Variants in DERL1 observed in about 807,000 individuals in gnomAD.
The protein encoded by DERL1 is derlin 1, also known as derlin-1.
A neutral mutation model predicts 41.6 loss-of-function variants in DERL1; 24 were observed. The ratio of observed to expected loss-of-function variants is 0.58; its 90% CI spans 0.42 to 0.81. The LOEUF is 0.81. DERL1 is among the 30% of genes least tolerant of loss of function. DERL1 has a pLI of 0.00. For missense variants in DERL1, 260 were observed against 314.3 expected, an observed-to-expected ratio of 0.83 and a Z score of 1.31; for synonymous variants, 124 against 112.5, an observed-to-expected ratio of 1.10 and a Z score of -0.65.
intron 5 of DERL1, 94 bp downstream of exon 5, chr8:123,022,590 C>T (rs965738333): frequency 3.4e-6 from 4 of 1,188,618 alleles, no homozygotes; most frequent in East Asian, 2.3e-5. Flanking sequence ...TCTGCAGTGA[C>T]CCCTTCTGGA....
intron 1 of DERL1, among the ~76,000 whole-genome samples, chr8:123,032,144 T>TC (rs535418635): frequency 0.045 from 6,689 of 148,990 alleles, 194 homozygotes; most frequent in South Asian, 0.066. Flanking sequence ...CATTTTTTTT[T>TC]TCCCCCCCGA....
At chr8:123,037,773 A>C (rs574817109) in intron 1 of DERL1, among the ~76,000 whole-genome samples, 2 of 152,320 alleles carry the variant, frequency 1.3e-5, no homozygotes, top group East Asian at 3.9e-4. Flanking sequence ...GGTAACACTT[A>C]TCTCAGGATG....
chr8:123,039,963 A>C (rs1373592143), intron 1 of DERL1, among the ~76,000 whole-genome samples: 1 of 152,242 alleles, frequency 6.6e-6, no homozygotes, highest in Non-Finnish European at 1.5e-5. Flanking sequence ...CACGCCTCTA[A>C]TCCCAGCACT....
rs1457606339 is a variant in DERL1, at chr8:123,030,498, GCAGTTT to G, written c.265+101_265+106del. The stretch of plus-strand genomic sequence containing the variant: ...GTCACTAAGCATTTACTATCTTTAT[GCAGTTT>G]CTTTTTGTAATGCTAACTGCCCTCC... On this transcript the variant is annotated intron_variant, in intron 2 of 7. Coordinates refer to ENST00000259512, the MANE Select transcript of DERL1 (RefSeq NM_024295.6). 23 of 747,192 alleles carry G rather than the reference GCAGTTT, an allele frequency of 3.1e-5. 1 individual carries two copies. The African/African-American group carries it at 3.7e-4, about 12-fold the overall frequency. The allele number at this position is 747,192 out of a possible 1,614,324, so 46.3% of individuals were successfully genotyped here.
intron 5 of DERL1, 46 bp from the exon 6 acceptor site, chr8:123,021,545 G>A (rs542792365): frequency 1.4e-5 from 21 of 1,541,722 alleles, no homozygotes; most frequent in African/African-American, 1.2e-4. Flanking sequence ...CACACCTGAC[G>A]AGGACACAGC....
intron 1 of DERL1, among the ~76,000 whole-genome samples, chr8:123,035,162 T>C (rs1470309545): frequency 1.3e-5 from 2 of 152,250 alleles, no homozygotes; most frequent in African/African-American, 4.8e-5. Flanking sequence ...CTATTTTTAG[T>C]CACTGTTTGC....
At chr8:123,031,993 CT>C (rs1291060154) in intron 1 of DERL1, among the ~76,000 whole-genome samples, 1 of 152,168 alleles carries the variant, frequency 6.6e-6, no homozygotes, top group Non-Finnish European at 1.5e-5. Context: ...ATCCTGTCTT[CT>C]CTCCATACTC....
At chr8:123,036,322 G>C (rs1180201262) in intron 1 of DERL1, among the ~76,000 whole-genome samples, 3 of 152,146 alleles carry the variant, frequency 2.0e-5, no homozygotes, top group Middle Eastern at 3.4e-3. Context: ...CAACAATATG[G>C]GTGACTCTCA....
Position 123,042,088 on chromosome 8 carries a change from G to A in DERL1, c.35C>T (p.Pro12Leu). The change falls in exon 1 of 8, where the codon CCG becomes CTG. Residue 12 changes from proline (P) to leucine (L), a missense_variant. Pro to Leu is a moderately conservative substitution (Grantham distance 98). Transcript: ENST00000259512. The stretch of plus-strand genomic sequence containing the variant: ...GGCGAACCAATAGCGCGTGATCGCC[G>A]GGATGCTCCTGAACCAGTCTCCGAT... ...SDIGDWFRSI[P>L]AITRYWFAAT... 1 of 1,613,674 alleles carries A rather than the reference G, an allele frequency of 6.2e-7. No homozygotes were observed. The highest frequency in any genetic ancestry group is 8.5e-7 in the Non-Finnish European group (1 of 1,179,836).
chr8:123,039,958 C>T (rs2130499898), intron 1 of DERL1, among the ~76,000 whole-genome samples: 1 of 152,322 alleles, frequency 6.6e-6, no homozygotes, highest in Non-Finnish European at 1.5e-5. Flanking sequence ...TGGCTCACGC[C>T]TCTAATCCCA....
intron 1 of DERL1, among the ~76,000 whole-genome samples, chr8:123,037,299 TC>T (rs1461402918): frequency 2.6e-5 from 4 of 152,230 alleles, no homozygotes; most frequent in Admixed American, 6.5e-5. Flanking sequence ...TTGAAGGTAC[TC>T]GTTCCTGTGT....
chr8:123,041,178 G>C (rs965342088), intron 1 of DERL1, among the ~76,000 whole-genome samples: 2 of 152,206 alleles, frequency 1.3e-5, no homozygotes, highest in Admixed American at 6.5e-5. Flanking sequence ...AGTGAAGACA[G>C]GGAAAGACAA....
chr8:123,038,621 T>A (rs1812981486), intron 1 of DERL1, among the ~76,000 whole-genome samples: 1 of 152,222 alleles, frequency 6.6e-6, no homozygotes, highest in Non-Finnish European at 1.5e-5. Context: ...CTTTACAATG[T>A]GCTTATTTAC....
At chr8:123,019,414 G>T in intron 6 of DERL1, 109 bp from the exon 7 acceptor site, 1 of 731,720 alleles carries the variant, frequency 1.4e-6, no homozygotes, top group Non-Finnish European at 2.3e-6. Flanking sequence ...TTTAGTCCCT[G>T]GGAGTCTGTG....
intron 2 of DERL1, among the ~76,000 whole-genome samples, chr8:123,028,041 G>A (rs994089895): frequency 4.4e-4 from 65 of 148,732 alleles, no homozygotes; most frequent in African/African-American, 1.6e-3. Context: ...CCCCGACTGG[G>A]TGACAGAGTG....
intron 1 of DERL1, among the ~76,000 whole-genome samples, chr8:123,034,847 C>T (rs1309685144): frequency 6.6e-6 from 1 of 151,394 alleles, no homozygotes; most frequent in Non-Finnish European, 1.5e-5. Context: ...AAAGTATGGA[C>T]GTCAAATTGG....
intron 4 of DERL1, 62 bp downstream of exon 4, chr8:123,023,651 G>A: frequency 6.5e-7 from 1 of 1,535,620 alleles, no homozygotes; most frequent in Non-Finnish European, 8.9e-7. Flanking sequence ...TCTGACAAAG[G>A]CCACTAATAG....
chr8:123,027,293 C>CAA lies in DERL1; in HGVS notation c.266-2245_266-2244dup, dbSNP rs1491294516. Among the ~76,000 whole-genome samples the CAA allele has an allele frequency of 3.4e-3, 92 of 27,222 alleles. 5 individuals carry two copies. Among genetic ancestry groups the CAA allele is most frequent in the African/African-American group, 6.4e-3 (45 of 6,982 alleles). The allele number at this position is 27,222 out of a possible 152,430, so 17.9% of individuals were successfully genotyped here. A position where few individuals can be genotyped will look rare whatever the true frequency, so the allele number is the denominator to read the frequency against. On this transcript the variant is annotated intron_variant, in intron 2 of 7. Coordinates refer to ENST00000259512, the MANE Select transcript of DERL1 (RefSeq NM_024295.6). ...TGGGCGACAGAGTGAGACCCTGTCT[C>CAA]AAAAAAAAAAAAAAAAAAAAAAAAA... is the stretch of plus-strand genomic sequence containing the variant.
At chr8:123,023,991 A>G (rs1275781645) in intron 3 of DERL1, among the ~76,000 whole-genome samples, 1 of 152,194 alleles carries the variant, frequency 6.6e-6, no homozygotes, top group Middle Eastern at 3.2e-3. Context: ...AAAATTTTTA[A>G]GTTAATTCCA....
Sources: gnomAD v4.1 joint callset for allele counts (sites outside exome capture counted in the v4.1 genomes callset) on GRCh38, gnomAD v4.1.1 for gene constraint, MANE v1.5 for transcripts, NCBI Gene and HGNC (gene_info 2026-07-23, HGNC 2026-07-21) for gene names.